The following TENM2 variants were observed in gnomAD, a reference collection of about 807,000 sequenced individuals.
TENM2 encodes the protein teneurin-2.
Under a neutral mutation model 245.2 loss-of-function variants are expected in TENM2, and 52 were observed. The ratio of observed to expected loss-of-function variants is 0.21; its 90% confidence interval spans 0.17 to 0.27. The LOEUF (loss-of-function observed/expected upper bound fraction) is 0.27, where lower values mean the gene tolerates loss of function less well. Among genes scored for constraint, TENM2 ranks in the 10% least tolerant of loss-of-function variants. The probability of loss-of-function intolerance (pLI) is 1.00; values close to 1 mark genes in which losing one functional copy is unlikely to be tolerated. For missense variants in TENM2, 3,046 were observed against 3,666.8 expected (o/e 0.83, Z 4.37); for synonymous variants, 1,363 against 1,438.9 (o/e 0.95, Z 1.19).
At chr5:167,410,252 C>G (rs1022920447) in intron 2 of TENM2, among the ~76,000 whole-genome samples, 12 of 151,926 alleles carry the variant, frequency 7.9e-5, no homozygotes, top group Middle Eastern at 3.2e-3. Flanking sequence ...GCATTCAACT[C>G]TTTTCACTTG....
At chr5:167,997,524 G>A (rs911898422) in intron 5 of TENM2, among the ~76,000 whole-genome samples, 1 of 152,164 alleles carries the variant, frequency 6.6e-6, no homozygotes, top group Non-Finnish European at 1.5e-5. Context: ...AAAAGTTGGA[G>A]ACTAAATATT....
the TENM2 span, among the ~76,000 whole-genome samples, chr5:167,154,511 G>A: frequency 3.3e-5 from 5 of 152,210 alleles, no homozygotes; most frequent in East Asian, 9.6e-4. Context: ...ATGAAACATC[G>A]TTGGGACATT....
At chr5:166,982,208 A>G in the TENM2 span, among the ~76,000 whole-genome samples, 1 of 152,138 alleles carries the variant, frequency 6.6e-6, no homozygotes, top group African/African-American at 2.4e-5. Context: ...TAGGTATCCG[A>G]GACTGTTGAT....
chr5:167,658,556 C>T (rs750823917), intron 2 of TENM2, among the ~76,000 whole-genome samples: 8 of 152,096 alleles, frequency 5.3e-5, no homozygotes, highest in Non-Finnish European at 8.8e-5. Context: ...AGGCCCCCAC[C>T]TCTTAATGCT....
chr5:168,081,373 T>C (rs1791980946), intron 7 of TENM2, among the ~76,000 whole-genome samples: 1 of 152,216 alleles, frequency 6.6e-6, no homozygotes, highest in African/African-American at 2.4e-5. Context: ...TGATGGGTCT[T>C]GACTCTATCC....
intron 2 of TENM2, among the ~76,000 whole-genome samples, chr5:167,619,859 C>T (rs1381660745): frequency 6.6e-6 from 1 of 151,986 alleles, no homozygotes; most frequent in Non-Finnish European, 1.5e-5. Context: ...TGTTCCTCCC[C>T]CTTTTAAAAA....
intron 2 of TENM2, among the ~76,000 whole-genome samples, chr5:167,606,962 A>G (rs1777098856): frequency 6.6e-6 from 1 of 152,162 alleles, no homozygotes; most frequent in African/African-American, 2.4e-5. Flanking sequence ...CGCTTTAAAG[A>G]CCAGGTTTTC....
intron 5 of TENM2, among the ~76,000 whole-genome samples, chr5:168,003,330 CA>C (rs1784556799): frequency 1.4e-5 from 2 of 139,402 alleles, no homozygotes; most frequent in Non-Finnish European, 3.1e-5. Flanking sequence ...CACACACACA[CA>C]CACACACACA....
intron 14 of TENM2, 137 bp downstream of exon 16, chr5:168,190,684 G>C: frequency 1.5e-6 from 1 of 679,762 alleles, no homozygotes. Context: ...CTCCAAGGGG[G>C]ACTCAGAGAA....
At chr5:168,144,082 C>CTTCCTCAGGTAA (rs1247548881) in intron 12 of TENM2, among the ~76,000 whole-genome samples, 1 of 151,428 alleles carries the variant, frequency 6.6e-6, no homozygotes, top group Admixed American at 6.6e-5. Flanking sequence ...TGGTATTGAA[C>CTTCCTCAGGTAA]TTCCAACCTC....
the TENM2 span, among the ~76,000 whole-genome samples, chr5:166,991,310 A>G: frequency 6.6e-6 from 1 of 152,000 alleles, no homozygotes; most frequent in South Asian, 2.1e-4. Flanking sequence ...TGTCATGAAT[A>G]GAGAATAAGA....
intron 2 of TENM2, among the ~76,000 whole-genome samples, chr5:167,854,971 T>G (rs1770931433): frequency 6.6e-6 from 1 of 152,202 alleles, no homozygotes; most frequent in African/African-American, 2.4e-5. Context: ...TTGGGTTTGT[T>G]CTTAACACAA....
intron 2 of TENM2, among the ~76,000 whole-genome samples, chr5:167,534,032 A>C (rs562371066): frequency 1.1e-4 from 16 of 152,336 alleles, no homozygotes; most frequent in South Asian, 6.2e-4. Flanking sequence ...GTGTGTGTCC[A>C]TAAGGAAGGA....
At chr5:167,625,127 A>G (rs78080729) in intron 2 of TENM2, among the ~76,000 whole-genome samples, 3,130 of 152,252 alleles carry the variant, frequency 0.021, 75 homozygotes, top group East Asian at 0.073. Context: ...AGACATGTTT[A>G]GACTTTGAGG....
chr5:167,133,421 T>A, the TENM2 span, among the ~76,000 whole-genome samples: 1 of 152,164 alleles, frequency 6.6e-6, no homozygotes, highest in Non-Finnish European at 1.5e-5. Flanking sequence ...ATCTGACCAC[T>A]CCATTAAAGA....
chr5:167,197,106 A>G, the TENM2 span, among the ~76,000 whole-genome samples: 4 of 152,058 alleles, frequency 2.6e-5, no homozygotes, highest in African/African-American at 9.7e-5. Flanking sequence ...TTCATTTTAT[A>G]CTGTTCTACT....
intron 2 of TENM2, among the ~76,000 whole-genome samples, chr5:167,568,951 G>T (rs1019772109): frequency 3.9e-5 from 6 of 151,960 alleles, no homozygotes; most frequent in Non-Finnish European, 5.9e-5. Context: ...AACCTTAAAA[G>T]GATGACTATC....
rs564869520 is a variant in TENM2 at position 167,363,742 on chromosome 5, A to AAAAG, written c.227-11453_227-11452insGAAA. ...CGAGACTCCATCTCAAAAAAAAAAA[A>AAAAG]AAAAGAAAAGAAAAAGAAAAAAGAG... On this transcript the variant is annotated intron_variant, in intron 1 of 28. Coordinates refer to ENST00000518659, the Ensembl canonical transcript of TENM2. Among the ~76,000 whole-genome samples, 277 of 150,756 alleles carry AAAAG rather than the reference A, an allele frequency of 1.8e-3. 2 individuals carry two copies. The highest frequency in any genetic ancestry group is 5.9e-3 in the African/African-American group (245 of 41,208).
At chr5:167,170,283 A>G in the TENM2 span, among the ~76,000 whole-genome samples, 1 of 152,212 alleles carries the variant, frequency 6.6e-6, no homozygotes, top group African/African-American at 2.4e-5. Flanking sequence ...GTCAAGCTTC[A>G]TTGGTTTGCA....
Sources: gnomAD v4.1 joint callset for allele counts (sites outside exome capture counted in the v4.1 genomes callset) on GRCh38, gnomAD v4.1.1 for gene constraint, MANE v1.5 for transcripts, NCBI Gene and HGNC (gene_info 2026-07-23, HGNC 2026-07-21) for gene names.